The following GPC5 variants were observed in gnomAD, a reference collection of about 807,000 sequenced individuals.
The protein encoded by GPC5 is glypican-5.
In GPC5, 47 loss-of-function variants were observed where a neutral mutation model predicts 53.9. The observed-to-expected ratio is 0.87, with a 90% CI of 0.69 to 1.11. GPC5 has a LOEUF of 1.11. Ranked by LOEUF, GPC5 falls within the 50% of genes most tolerant of loss-of-function variation. GPC5 has a pLI of 0.00. For missense variants in GPC5, 748 were observed against 713.1 expected (o/e 1.05, Z -0.56); for synonymous variants, 286 against 263.3 (o/e 1.09, Z -0.84).
intron 7 of GPC5, among the ~76,000 whole-genome samples, chr13:92,307,754 GAGAAAAC>G (rs1056464393): frequency 6.6e-6 from 1 of 152,190 alleles, no homozygotes; most frequent in African/African-American, 2.4e-5. Flanking sequence ...AAGAGAAAAA[GAGAAAAC>G]AAAGGAAGGA....
At chr13:92,615,740 A>C (rs1055687501) in intron 7 of GPC5, among the ~76,000 whole-genome samples, 1 of 152,170 alleles carries the variant, frequency 6.6e-6, no homozygotes, top group Non-Finnish European at 1.5e-5. Context: ...AACATTTCCC[A>C]AACTTTTTTG....
chr13:91,691,967 T>G, intron 2 of GPC5, among the ~76,000 whole-genome samples: 1 of 152,322 alleles, frequency 6.6e-6, no homozygotes, highest in African/African-American at 2.4e-5. Flanking sequence ...TCCAGTATCC[T>G]TATTTAGGCT....
chr13:92,148,575 C>A (rs2041884707), intron 7 of GPC5, among the ~76,000 whole-genome samples: 1 of 152,012 alleles, frequency 6.6e-6, no homozygotes, highest in African/African-American at 2.4e-5. Flanking sequence ...GCTTAAAAAT[C>A]CCATTAGGAA....
chr13:92,293,360 T>A (rs929654092), intron 7 of GPC5, among the ~76,000 whole-genome samples: 2 of 151,692 alleles, frequency 1.3e-5, no homozygotes, highest in African/African-American at 4.8e-5. Flanking sequence ...TTTTGAAGTT[T>A]TCCTTGTAGA....
At chr13:91,724,512 T>C (rs553564514) in intron 3 of GPC5, among the ~76,000 whole-genome samples, 1 of 152,182 alleles carries the variant, frequency 6.6e-6, no homozygotes, top group South Asian at 2.1e-4. Flanking sequence ...TTTCAACTTG[T>C]ATTATTATTA....
chr13:92,411,131 A>G (rs922447672), intron 7 of GPC5, among the ~76,000 whole-genome samples: 7 of 152,286 alleles, frequency 4.6e-5, no homozygotes, highest in East Asian at 3.9e-4. Context: ...TTTGCCAGGC[A>G]TGATGGCGCA....
chr13:92,652,088 G>A (rs1385820006), intron 7 of GPC5, among the ~76,000 whole-genome samples: 1 of 152,056 alleles, frequency 6.6e-6, no homozygotes, highest in East Asian at 1.9e-4. Context: ...AATATTGAGG[G>A]TTATAGGAAA....
intron 7 of GPC5, among the ~76,000 whole-genome samples, chr13:92,185,194 T>C (rs1309438483): frequency 2.0e-5 from 3 of 152,162 alleles, no homozygotes; most frequent in African/African-American, 7.2e-5. Flanking sequence ...CTTTATCAGC[T>C]TCAGTTAGTC....
At chr13:91,835,728 C>T (rs983831555) in intron 5 of GPC5, among the ~76,000 whole-genome samples, 2 of 149,350 alleles carry the variant, frequency 1.3e-5, no homozygotes, top group East Asian at 4.0e-4. Context: ...ACATCAGGGC[C>T]TGTCGGGGGT....
intron 7 of GPC5, among the ~76,000 whole-genome samples, chr13:92,356,279 T>C (rs2043521763): frequency 2.6e-5 from 4 of 151,978 alleles, no homozygotes; most frequent in African/African-American, 9.7e-5. Context: ...GAAAGAGATG[T>C]GGGAAATAAG....
At chr13:92,417,507 T>A (rs1238741122) in intron 7 of GPC5, among the ~76,000 whole-genome samples, 1 of 152,146 alleles carries the variant, frequency 6.6e-6, no homozygotes, top group Non-Finnish European at 1.5e-5. Flanking sequence ...CCTCAAAAAT[T>A]AAACCATATG....
intron 2 of GPC5, among the ~76,000 whole-genome samples, chr13:91,468,155 A>G (rs1048009863): frequency 9.2e-5 from 14 of 152,058 alleles, no homozygotes; most frequent in African/African-American, 3.4e-4. Flanking sequence ...TTCCACTTAC[A>G]CTTCCTCTGC....
intron 5 of GPC5, among the ~76,000 whole-genome samples, chr13:91,875,227 T>C (rs919657263): frequency 6.6e-6 from 1 of 152,210 alleles, no homozygotes; most frequent in African/African-American, 2.4e-5. Flanking sequence ...GCTTGGAATC[T>C]GTGCTCTCAT....
At chr13:92,402,316 T>A (rs1369497420) in intron 7 of GPC5, among the ~76,000 whole-genome samples, 2 of 152,128 alleles carry the variant, frequency 1.3e-5, no homozygotes, top group Non-Finnish European at 2.9e-5. Flanking sequence ...CAAACAATAA[T>A]AACAAACTCG....
At chr13:92,843,189 C>G (rs1368012905) in intron 7 of GPC5, among the ~76,000 whole-genome samples, 2 of 152,096 alleles carry the variant, frequency 1.3e-5, no homozygotes, top group African/African-American at 4.8e-5. Context: ...CTATATATTC[C>G]TCTTTTCAAT....
chr13:92,853,164 G>T (rs1878872569), intron 7 of GPC5, among the ~76,000 whole-genome samples: 1 of 152,292 alleles, frequency 6.6e-6, no homozygotes, highest in East Asian at 1.9e-4. Flanking sequence ...AGACTCTACT[G>T]AGAGAAGAAA....
chr13:92,383,350 T>C (rs1407342615), intron 7 of GPC5, among the ~76,000 whole-genome samples: 1 of 152,198 alleles, frequency 6.6e-6, no homozygotes, highest in East Asian at 1.9e-4. Flanking sequence ...ATTATTTGAA[T>C]AATATAGCCT....
rs2042536588 is a variant in GPC5 at position 92,232,283 on chromosome 13, G to C, written c.1561+87294G>C. Among the ~76,000 whole-genome samples, 3 of 152,098 alleles carry C rather than the reference G, an allele frequency of 2.0e-5. No homozygotes were observed. In the South Asian group the frequency reaches 6.2e-4, roughly 32 times the overall value. Reference sequence around the variant, plus strand: ...CTGAAATTAGTCTGCGTGGTGGGGTGGGGGTGTGGGGGCGGCTGTTATTGG... The same window carrying C: ...CTGAAATTAGTCTGCGTGGTGGGGTCGGGGTGTGGGGGCGGCTGTTATTGG... On this transcript the variant is annotated intron_variant, in intron 7 of 7. Coordinates refer to ENST00000377067, the MANE Select transcript of GPC5 (RefSeq NM_004466.6).
intron 5 of GPC5, among the ~76,000 whole-genome samples, chr13:91,850,739 TG>T (rs2038903519): frequency 6.6e-6 from 1 of 152,144 alleles, no homozygotes; most frequent in South Asian, 2.1e-4. Context: ...AAGCTTCATT[TG>T]TTAGATATGT....
Sources: gnomAD v4.1 joint callset for allele counts (sites outside exome capture counted in the v4.1 genomes callset) on GRCh38, gnomAD v4.1.1 for gene constraint, MANE v1.5 for transcripts, NCBI Gene and HGNC (gene_info 2026-07-23, HGNC 2026-07-21) for gene names.